The following DHRSX variants were observed in gnomAD, a reference collection of about 807,000 sequenced individuals.
DHRSX encodes the protein polyprenol dehydrogenase.
In DHRSX, 31 loss-of-function variants were observed where a neutral mutation model predicts 34.0. The observed-to-expected ratio is 0.91, with a 90% CI of 0.69 to 1.23. DHRSX has a LOEUF of 1.23. Among genes scored for constraint, DHRSX ranks in the 50% most tolerant of loss-of-function variants. DHRSX has a pLI of 0.00. For missense variants in DHRSX, 414 were observed against 428.1 expected (o/e 0.97, Z 0.29); for synonymous variants, 201 against 183.8 (o/e 1.09, Z -0.76).
intron 3 of DHRSX, among the ~76,000 whole-genome samples, chrX:2,351,855 A>G (rs2042792386): frequency 6.6e-6 from 1 of 152,082 alleles, no homozygotes; most frequent in African/African-American, 2.4e-5. Context: ...GAGTAGCTGG[A>G]ATTACAGATG....
At chrX:2,265,427 A>G (rs2041440138) in intron 5 of DHRSX, among the ~76,000 whole-genome samples, 3 of 131,546 alleles carry the variant, frequency 2.3e-5, no homozygotes, top group Admixed American at 1.5e-4. Context: ...CACTGTCCCC[A>G]GAGCACCAGT....
At chrX:2,271,482 C>A (rs35772532) in intron 4 of DHRSX, among the ~76,000 whole-genome samples, 67,354 of 151,938 alleles carry the variant, frequency 0.44, 15,917 homozygotes, top group Middle Eastern at 0.56. Flanking sequence ...CACACACTTT[C>A]CAGCCAGACT....
chrX:2,290,842 A>G (rs1441806355), intron 4 of DHRSX, among the ~76,000 whole-genome samples: 1 of 152,196 alleles, frequency 6.6e-6, no homozygotes, highest in Non-Finnish European at 1.5e-5. Context: ...TTTATAAAAA[A>G]TAAAATGGAC....
chrX:2,371,438 CTCCTT>C (rs1287738329), intron 3 of DHRSX, among the ~76,000 whole-genome samples: 20 of 150,690 alleles, frequency 1.3e-4, no homozygotes, highest in African/African-American at 5.0e-4. Flanking sequence ...ACCACAGACC[CTCCTT>C]TCGTTACTAT....
intron 2 of DHRSX, among the ~76,000 whole-genome samples, chrX:2,413,200 A>C (rs2043653277): frequency 6.6e-6 from 1 of 152,194 alleles, no homozygotes; most frequent in South Asian, 2.1e-4. Flanking sequence ...TCTCAAAAAA[A>C]AGAAAGAAAG....
intron 3 of DHRSX, among the ~76,000 whole-genome samples, chrX:2,402,737 G>A (rs972231478): frequency 3.9e-5 from 6 of 152,050 alleles, no homozygotes; most frequent in African/African-American, 1.4e-4. Flanking sequence ...CACATAGTAG[G>A]TGTATATATT....
At chrX:2,371,165 TCCCTCCTTCCGTTACCATAGA>T (rs1569494662) in intron 3 of DHRSX, among the ~76,000 whole-genome samples, 1 of 150,964 alleles carries the variant, frequency 6.6e-6, no homozygotes, top group Non-Finnish European at 1.5e-5. Flanking sequence ...ATTACCGTAG[TCCCTCCTTCCGTTACCATAGA>T]CCCTCCTCCG....
intron 6 of DHRSX, among the ~76,000 whole-genome samples, chrX:2,242,239 T>A (rs2016157279): frequency 6.6e-6 from 1 of 152,120 alleles, no homozygotes; most frequent in African/African-American, 2.4e-5. Flanking sequence ...GGGATGTTTT[T>A]CCCTTGGCCC....
chrX:2,482,033 T>C (rs1422474697), intron 1 of DHRSX, among the ~76,000 whole-genome samples: 4 of 151,118 alleles, frequency 2.6e-5, no homozygotes, highest in Admixed American at 2.0e-4. Flanking sequence ...GGCATGATCG[T>C]AGTTTATGGC....
rs115857224 is a variant in DHRSX, at chrX:2,289,853, T to C, written c.388+1649A>G. On this transcript the variant is annotated intron_variant, in intron 4 of 6. Transcript: ENST00000334651. Reference sequence around the variant, plus strand: ...CCACCAGGATGGCAAATCTGAAAAGTGTTATTGATCTCCAAAGAAGACACA... The same window carrying C: ...CCACCAGGATGGCAAATCTGAAAAGCGTTATTGATCTCCAAAGAAGACACA... Among the ~76,000 whole-genome samples the C allele has an allele frequency of 3.1e-3, 474 of 152,268 alleles. 2 individuals are homozygous for C. The highest frequency in any genetic ancestry group is 0.011 in the African/African-American group (453 of 41,554).
intron 3 of DHRSX, among the ~76,000 whole-genome samples, chrX:2,390,144 C>CTT (rs575599788): frequency 0.082 from 10,458 of 128,090 alleles, 1,230 homozygotes; most frequent in African/African-American, 0.25. Flanking sequence ...GCATTTTAAC[C>CTT]TTTTTTTTTT....
At chrX:2,374,076 A>C (rs1188363720) in intron 3 of DHRSX, among the ~76,000 whole-genome samples, 4 of 152,194 alleles carry the variant, frequency 2.6e-5, no homozygotes, top group African/African-American at 9.6e-5. Context: ...TGTCCAGCCC[A>C]GGCAATGGCC....
At chrX:2,270,393 C>T (rs2041533445) in intron 4 of DHRSX, among the ~76,000 whole-genome samples, 1 of 152,134 alleles carries the variant, frequency 6.6e-6, no homozygotes, top group Non-Finnish European at 1.5e-5. Flanking sequence ...TGAGGACAGC[C>T]GAGATTCAAG....
intron 3 of DHRSX, among the ~76,000 whole-genome samples, chrX:2,303,785 A>ATGGATGGATGGG (rs2042046352): frequency 3.3e-4 from 18 of 54,964 alleles, no homozygotes; most frequent in African/African-American, 1.5e-3. Flanking sequence ...GGATGGATGG[A>ATGGATGGATGGG]TGGATGGGTG....
At chrX:2,237,701 C>T (rs1270659881) in intron 6 of DHRSX, among the ~76,000 whole-genome samples, 1 of 151,958 alleles carries the variant, frequency 6.6e-6, no homozygotes, top group Non-Finnish European at 1.5e-5. Context: ...GACTGGGTTT[C>T]TCCATGTTGG....
chrX:2,249,418 T>A (rs2124437860), intron 5 of DHRSX, among the ~76,000 whole-genome samples: 1 of 148,606 alleles, frequency 6.7e-6, no homozygotes, highest in East Asian at 2.0e-4. Flanking sequence ...CAGGATGGTC[T>A]CGATCTCCTG....
intron 1 of DHRSX, among the ~76,000 whole-genome samples, chrX:2,466,399 C>CT (rs201712984): frequency 0.16 from 23,781 of 151,942 alleles, 2,452 homozygotes; most frequent in African/African-American, 0.29. Flanking sequence ...GATCACACCA[C>CT]TGCACTCCAG....
intron 3 of DHRSX, among the ~76,000 whole-genome samples, chrX:2,364,053 G>A (rs1390792256): frequency 1.2e-4 from 19 of 152,172 alleles, no homozygotes; most frequent in Admixed American, 8.5e-4. Flanking sequence ...ATAATGCTAC[G>A]TAGGATGTCT....
intron 3 of DHRSX, among the ~76,000 whole-genome samples, chrX:2,332,867 C>CT (rs1301822245): frequency 2.0e-5 from 3 of 152,126 alleles, no homozygotes; most frequent in Non-Finnish European, 4.4e-5. Context: ...TCATCGTTGT[C>CT]TAACGTGTAT....
Sources: allele counts gnomAD v4.1 joint callset (sites outside exome capture counted in the v4.1 genomes callset), GRCh38; gene constraint gnomAD v4.1.1; transcripts MANE v1.5; gene names NCBI Gene and HGNC (gene_info 2026-07-23, HGNC 2026-07-21).